PRTG: variants seen among roughly 807,000 people sequenced by gnomAD.
PRTG encodes immunoglobulin superfamily, DCC subclass, member 5.
Under a neutral mutation model 122.5 loss-of-function variants are expected in PRTG, and 67 were observed. That is an observed-to-expected ratio of 0.55 (90% CI 0.45 to 0.67). The LOEUF (loss-of-function observed/expected upper bound fraction) is 0.67, where lower values mean the gene tolerates loss of function less well. Ranked by LOEUF, PRTG falls within the 30% of genes least tolerant of loss-of-function variation. The pLI, the probability that PRTG is intolerant of heterozygous loss-of-function variation, is 0.00. For synonymous variants in PRTG, 554 were observed against 501.1 expected (o/e 1.11, Z -1.41); for missense variants, 1,435 against 1,415.4 (o/e 1.01, Z -0.22).
intron 2 of PRTG, among the ~76,000 whole-genome samples, chr15:55,696,465 AGGCTTC>A (rs1309480106): frequency 6.6e-6 from 1 of 152,210 alleles, no homozygotes; most frequent in African/African-American, 2.4e-5. Context: ...ATTCACTCTG[AGGCTTC>A]CTACTTGAAG....
chr15:55,623,314 T>A (rs1042707168), intron 18 of PRTG, among the ~76,000 whole-genome samples: 4 of 152,112 alleles, frequency 2.6e-5, no homozygotes, highest in African/African-American at 9.7e-5. Flanking sequence ...ACACCTGTAA[T>A]CCCAGCACTT....
chr15:55,715,480 G>T (rs934273511), intron 2 of PRTG, among the ~76,000 whole-genome samples: 14 of 152,214 alleles, frequency 9.2e-5, no homozygotes, highest in African/African-American at 3.1e-4. Context: ...CTGAGCAGAC[G>T]TGGGGCCTTG....
At chr15:55,693,097 C>T (rs909738896) in intron 2 of PRTG, among the ~76,000 whole-genome samples, 8 of 151,878 alleles carry the variant, frequency 5.3e-5, no homozygotes, top group African/African-American at 4.8e-5. Flanking sequence ...TGATCCACTG[C>T]CTTGGCCTCC....
chr15:55,667,762 A>G lies in PRTG; in HGVS notation c.2041+4683T>C, dbSNP rs73423333. 9.4e-3 allele frequency among the ~76,000 whole-genome samples: 1,433 copies of G among 152,332 alleles called. 28 individuals carry two copies. The highest frequency in any genetic ancestry group is 0.033 in the African/African-American group (1,374 of 41,562). On this transcript the variant is annotated intron_variant, in intron 11 of 19. Transcript: ENST00000389286. ...TCTTTAAAGAAGTTTACTGAGTTCA[A>G]TTAAATGAATTTATTTTGTGACTGC...
intron 15 of PRTG, among the ~76,000 whole-genome samples, chr15:55,635,293 T>C (rs2059251743): frequency 6.6e-6 from 1 of 152,146 alleles, no homozygotes; most frequent in Non-Finnish European, 1.5e-5. Context: ...GGTTTCACCA[T>C]ATTGGTCAGG....
chr15:55,704,366 T>C (rs1394211920), intron 2 of PRTG, among the ~76,000 whole-genome samples: 1 of 152,196 alleles, frequency 6.6e-6, no homozygotes, highest in Non-Finnish European at 1.5e-5. Flanking sequence ...TGTGCAGAAA[T>C]TTATAATGAG....
Position 55,619,144 on chromosome 15 carries a change from G to A in PRTG, c.*868C>T, listed in dbSNP as rs931502603. The A allele has an allele frequency of 6.6e-6, 1 of 152,162 alleles. No homozygotes were observed. Among genetic ancestry groups the A allele is most frequent in the African/African-American group, 2.4e-5 (1 of 41,440 alleles). 9.4% of individuals were successfully genotyped at this position (152,162 alleles called of 1,614,324 possible). A position where few individuals can be genotyped will look rare whatever the true frequency, so the allele number is the denominator to read the frequency against. On this transcript the variant is annotated 3_prime_UTR_variant, in exon 20 of 20. Transcript: ENST00000389286. ...GTCAGGCAAAGGGGAAGGTAGAAAA[G>A]GCACAGTTCTGGGCAGCTTGAGGTT...
intron 11 of PRTG, among the ~76,000 whole-genome samples, chr15:55,646,867 T>C (rs1222506996): frequency 6.6e-6 from 1 of 152,182 alleles, no homozygotes; most frequent in Non-Finnish European, 1.5e-5. Context: ...GGCCCAAAAA[T>C]GAACATCTTC....
chr15:55,681,508 A>G (rs2059537756), intron 4 of PRTG: 2 of 152,034 alleles, frequency 1.3e-5, no homozygotes, highest in African/African-American at 2.4e-5. Context: ...TTTCCCTTCT[A>G]CCTATATTAA....
At chr15:55,635,103 GTT>G (rs869027822) in intron 15 of PRTG, among the ~76,000 whole-genome samples, 6 of 112,862 alleles carry the variant, frequency 5.3e-5, no homozygotes, top group African/African-American at 2.7e-4. Flanking sequence ...GTGTGTGTGT[GTT>G]TTTTGAGACA....
chr15:55,742,104 G>GT (rs1209155571), intron 1 of PRTG: 1 of 152,216 alleles, frequency 6.6e-6, no homozygotes, highest in African/African-American at 2.4e-5. Flanking sequence ...CTTCAGAGCC[G>GT]TACACACTTC....
At chr15:55,657,178 C>A (rs1204558163) in intron 11 of PRTG, among the ~76,000 whole-genome samples, 1 of 152,046 alleles carries the variant, frequency 6.6e-6, no homozygotes, top group African/African-American at 2.4e-5. Flanking sequence ...TAGAGATATG[C>A]ACAGAAAAAT....
intron 11 of PRTG, among the ~76,000 whole-genome samples, chr15:55,664,715 T>C (rs2059429041): frequency 6.6e-6 from 1 of 152,074 alleles, no homozygotes; most frequent in East Asian, 2.0e-4. Context: ...ACCTCCTGTG[T>C]ATCTGGGATC....
In PRTG at chr15:55,743,064, G is replaced by T; in HGVS notation, c.-133C>A. 5 of 1,301,150 alleles carry T rather than the reference G, an allele frequency of 3.8e-6. No homozygotes were observed. In the South Asian group the frequency reaches 9.4e-5, roughly 24 times the overall value. The allele number at this position is 1,301,150 out of a possible 1,614,324, so 80.6% of individuals were successfully genotyped here. On this transcript the variant is annotated 5_prime_UTR_variant, in exon 1 of 20. Transcript: ENST00000389286. ...TCCCCGCTCCGGCTCCGGCACCGGCGTGGCGAGCGTCTCTGCGGCGGCGAG... is the reference window on the plus strand; with the variant it reads ...TCCCCGCTCCGGCTCCGGCACCGGCTTGGCGAGCGTCTCTGCGGCGGCGAG...
At chr15:55,692,326 GT>G (rs2059608016) in intron 2 of PRTG, among the ~76,000 whole-genome samples, 1 of 152,168 alleles carries the variant, frequency 6.6e-6, no homozygotes, top group Non-Finnish European at 1.5e-5. Flanking sequence ...TCTGCTATGG[GT>G]TTTAATGATG....
chr15:55,639,865 T>C (rs1391243051), intron 12 of PRTG, 37 bp from the exon 13 acceptor site: 29 of 1,601,730 alleles, frequency 1.8e-5, no homozygotes, highest in East Asian at 4.5e-5. Flanking sequence ...CGATACGACA[T>C]AACATTTTAA....
chr15:55,680,496 C>G lies in PRTG; in HGVS notation c.809G>C (p.Arg270Pro), dbSNP rs764605881. 6.3e-7 allele frequency: 1 copy of G among 1,584,364 alleles called. No individual in the cohort carries two copies. Among genetic ancestry groups the G allele is most frequent in the Admixed American group, 1.8e-5 (1 of 55,850 alleles). Residue 270 changes from arginine to proline, a missense_variant, in exon 5 of 20, where the codon CGC (arginine) becomes CCC (proline). Coordinates refer to ENST00000389286, the MANE Select transcript of PRTG (RefSeq NM_173814.6). Reference sequence around the variant, plus strand: ...TTTTTCCTGAGAAGACTTACCAAGGCGGCTCCAAGAAATGATTGGTTTGGG... The same window carrying G: ...TTTTTCCTGAGAAGACTTACCAAGGGGGCTCCAAGAAATGATTGGTTTGGG... ...GNPKPIISWS[R>P]LDHKSIDVFN...
intron 2 of PRTG, among the ~76,000 whole-genome samples, chr15:55,737,140 C>T (rs566600230): frequency 1.3e-5 from 2 of 152,206 alleles, no homozygotes; most frequent in South Asian, 2.1e-4. Flanking sequence ...ACTTGATTTG[C>T]TAAATTTAAA....
chr15:55,628,389 A>T (rs767962942), intron 16 of PRTG, among the ~76,000 whole-genome samples: 1,535 of 128,058 alleles, frequency 0.012, 15 homozygotes, highest in Non-Finnish European at 0.014. Flanking sequence ...AGAGAGGGAA[A>T]AAAAAAAAAA....
Sources: allele counts gnomAD v4.1 joint callset (sites outside exome capture counted in the v4.1 genomes callset), GRCh38; gene constraint gnomAD v4.1.1; transcripts MANE v1.5; gene names NCBI Gene and HGNC (gene_info 2026-07-23, HGNC 2026-07-21).